CIC: variants seen among roughly 807,000 people sequenced by gnomAD.
CIC encodes the protein capicua transcriptional repressor, also known as protein capicua homolog.
CIC carries 18 observed loss-of-function variants against 115.7 expected under a neutral mutation model. The ratio of observed to expected loss-of-function variants is 0.16; its 90% CI spans 0.11 to 0.23. The LOEUF (loss-of-function observed/expected upper bound fraction) is 0.23. Among genes scored for constraint, CIC ranks in the 10% least tolerant of loss-of-function variants. The pLI is 1.00. For synonymous variants in CIC, 1,076 were observed against 923.0 expected, an observed-to-expected ratio of 1.17 and a Z score of -3.01; for missense variants, 2,000 against 2,159.3, an observed-to-expected ratio of 0.93 and a Z score of 1.46.
chr19:42,295,023 C>G lies in CIC; in HGVS notation c.7386C>G (p.Pro2462=). ...CTGCCCCTGCCCCCACTCCCAGCCC[C>G]GCAGGGGGCCCTGACCCCACCTCAC... ...TAAAPAPTPS[P]AGGPDPTSPS... The change falls in exon 21 of 21, where the codon CCC becomes CCG. Residue 2462 remains proline (P), a synonymous_variant. Coordinates refer to ENST00000681038, the MANE Select transcript of CIC (RefSeq NM_001386298.1). The G allele has an allele frequency of 1.9e-6, 3 of 1,583,980 alleles. No homozygotes were observed. Among genetic ancestry groups the G allele is most frequent in the Non-Finnish European group, 2.6e-6 (3 of 1,172,296 alleles).
Position 42,289,227 on chromosome 19 carries a change from A to G in CIC, c.3908A>G (p.Gln1303Arg), listed in dbSNP as rs1464859951. The change falls in exon 9 of 21, where the codon CAG becomes CGG. Residue 1303 changes from glutamine to arginine, a missense_variant. Gln to Arg is a conservative substitution (Grantham distance 43). Transcript: ENST00000681038. ...ASYSGPKPST[Q>R]YGAPGPFAAP... is the part of the protein sequence containing the mutation. Reference sequence around the variant, plus strand: ...TACTCTGGCCCAAAGCCTTCTACCCAGTATGGAGCTCCAGGACCCTTTGCA... The same window carrying G: ...TACTCTGGCCCAAAGCCTTCTACCCGGTATGGAGCTCCAGGACCCTTTGCA... The G allele has an allele frequency of 1.2e-6, 2 of 1,613,384 alleles. No individual in the cohort carries two copies. Among genetic ancestry groups the G allele is most frequent in the Non-Finnish European group, 1.7e-6 (2 of 1,180,018 alleles).
In CIC at chr19:42,291,739, C is replaced by A. The variant is rs139270330; in HGVS notation, c.5607C>A (p.Pro1869=). The change falls in exon 12 of 21, where the codon CCC becomes CCA. Residue 1869 remains proline (P), a synonymous_variant. Transcript: ENST00000681038. ...SVPVQNGAQP[P]SKIIQLTPVP... ...CTGTGCAGAATGGTGCCCAGCCCCCCAGCAAGGTGAGGGCCTGCCTTTCTC... is the reference window on the plus strand; with the variant it reads ...CTGTGCAGAATGGTGCCCAGCCCCCAAGCAAGGTGAGGGCCTGCCTTTCTC... 1 of 1,613,058 alleles carries A rather than the reference C, an allele frequency of 6.2e-7. No homozygotes were observed. Among genetic ancestry groups the A allele is most frequent in the Non-Finnish European group, 8.5e-7 (1 of 1,180,016 alleles).
chr19:42,281,689 C>G (rs966061670), intron 2 of CIC, among the ~76,000 whole-genome samples: 1 of 152,188 alleles, frequency 6.6e-6, no homozygotes, highest in African/African-American at 2.4e-5. Context: ...ATAGGGCTGG[C>G]CCAGCGCCCA....
intron 2 of CIC, among the ~76,000 whole-genome samples, chr19:42,285,077 G>A (rs1320951014): frequency 6.6e-6 from 1 of 152,134 alleles, no homozygotes; most frequent in African/African-American, 2.4e-5. Context: ...GGAACAGCAC[G>A]AGACCTGCTG....
chr19:42,273,694 C>T lies in CIC; in HGVS notation c.1911C>T (p.Phe637=), dbSNP rs2036865654. Reference sequence around the variant, plus strand: ...CATCACCCTCACCCTCACCACTCTTCGGCTTCCGCCCTGCCAACTTTAGCC... The same window carrying T: ...CATCACCCTCACCCTCACCACTCTTTGGCTTCCGCCCTGCCAACTTTAGCC... ...PAPSPSPSPL[F]GFRPANFSPI... Residue 637 remains phenylalanine (F), a synonymous_variant, in exon 2 of 21, where the codon TTC becomes TTT. Coordinates refer to ENST00000681038, the MANE Select transcript of CIC (RefSeq NM_001386298.1). 3 of 398,818 alleles carry T rather than the reference C, an allele frequency of 7.5e-6. No individual in the cohort carries two copies. Among genetic ancestry groups the T allele is most frequent in the African/African-American group, 2.1e-5 (1 of 48,622 alleles). 24.7% of individuals were successfully genotyped at this position (398,818 alleles called of 1,614,324 possible). A position where few individuals can be genotyped will look rare whatever the true frequency, so the allele number is the denominator to read the frequency against.
In CIC at chr19:42,272,347, G is replaced by T. The variant is rs1206356479; in HGVS notation, c.564G>T (p.Trp188Cys). The T allele has an allele frequency of 2.5e-6, 1 of 398,424 alleles. No individual in the cohort carries two copies. The highest frequency in any genetic ancestry group is 2.1e-5 in the African/African-American group (1 of 48,638). The allele number at this position is 398,424 out of a possible 1,614,324, so 24.7% of individuals were successfully genotyped here. A position where few individuals can be genotyped will look rare whatever the true frequency, so the allele number is the denominator to read the frequency against. Residue 188 changes from tryptophan (W) to cysteine (C), a missense_variant, in exon 2 of 21, where the codon TGG becomes TGT. Around this residue, in one of 8 missense-constraint regions of CIC, gnomAD observed 222 missense variants for 247.7 expected, o/e 0.90. Transcript: ENST00000681038. Reference protein sequence around the residue: ...EPAEACGPGPWPPGSTSGSYD... With the variant: ...EPAEACGPGPCPPGSTSGSYD... ...CTGAGGCTTGTGGTCCAGGCCCTTG[G>T]CCCCCTGGCAGCACCAGTGGCAGCT... is the stretch of plus-strand genomic sequence containing the variant.
rs760429114 is a variant in CIC at position 42,292,559 on chromosome 19, C to A, written c.5903-7C>A. On this transcript the variant is annotated splice_region_variant and splice_polypyrimidine_tract_variant and intron_variant, in intron 14 of 20. Coordinates refer to ENST00000681038, the MANE Select transcript of CIC (RefSeq NM_001386298.1). ...TGGTCTCCTGCTTCTTCTTCTCTGT[C>A]TTTCAGCAGGCCAAGCCCCACTGCT... 1.2e-6 allele frequency: 2 copies of A among 1,613,016 alleles called. No individual in the cohort carries two copies. Among genetic ancestry groups the A allele is most frequent in the East Asian group, 2.2e-5 (1 of 44,874 alleles).
Position 42,290,989 on chromosome 19 carries a change from G to A in CIC, c.4948G>A (p.Ala1650Thr). ...GAAGTCGGCAGCAGCCACCTCACCA[G>A]CCCCACACTTGGTGGCTGGACCCCT... ...DKKSAAATSP[A>T]PHLVAGPLLG... is the part of the protein sequence containing the mutation. Residue 1650 changes from alanine to threonine, a missense_variant, in exon 11 of 21, where the codon GCC (alanine) becomes ACC (threonine). Transcript: ENST00000681038. The A allele has an allele frequency of 6.2e-7, 1 of 1,613,818 alleles. No homozygotes were observed. Among genetic ancestry groups the A allele is most frequent in the Non-Finnish European group, 8.5e-7 (1 of 1,180,016 alleles).
In CIC at chr19:42,290,773, G is replaced by A. The variant is rs768549918; in HGVS notation, c.4732G>A (p.Ala1578Thr). 7.4e-6 allele frequency: 12 copies of A among 1,611,538 alleles called. No individual in the cohort carries two copies. The highest frequency in any genetic ancestry group is 1.6e-4 in the Middle Eastern group (1 of 6,082). Residue 1578 changes from alanine to threonine, a missense_variant, in exon 11 of 21, where the codon GCC becomes ACC. Around this residue, in one of 8 missense-constraint regions of CIC, gnomAD observed 1,466 missense variants for 1,390.4 expected, o/e 1.05. Coordinates refer to ENST00000681038, the MANE Select transcript of CIC (RefSeq NM_001386298.1). ...APAAPLSRPA[A>T]TMVTNVVRPV... ...AGCAGCTCCCCTGTCCCGTCCTGCC[G>A]CCACCATGGTCACCAATGTGGTGCG...
chr19:42,294,775 C>G, intron 20 of CIC, 40 bp downstream of exon 20: 1 of 1,610,060 alleles, frequency 6.2e-7, no homozygotes, highest in East Asian at 2.2e-5. Flanking sequence ...TCGGGTGGGA[C>G]TTATCTGTAC....
In CIC at chr19:42,293,965, G is replaced by A. The variant is rs1568528401; in HGVS notation, c.6798G>A (p.Glu2266=). Residue 2266 remains glutamate, a synonymous_variant, in exon 18 of 21, where the codon GAG becomes GAA. Coordinates refer to ENST00000681038, the MANE Select transcript of CIC (RefSeq NM_001386298.1). ...NRVLSEVDFE[E]RFAELPEFRP... ...TCCTGTCAGAAGTGGACTTCGAAGA[G>A]CGCTTTGCTGAGTTGCCTGAGTTTC... 1 of 1,613,532 alleles carries A rather than the reference G, an allele frequency of 6.2e-7. No individual in the cohort carries two copies. Among genetic ancestry groups the A allele is most frequent in the East Asian group, 2.2e-5 (1 of 44,878 alleles).
rs769734730 is a variant in CIC, at chr19:42,287,806, C to A, written c.3493-4C>A. On this transcript the variant is annotated splice_region_variant and splice_polypyrimidine_tract_variant and intron_variant, in intron 6 of 20. Transcript: ENST00000681038. The surrounding 1 kb of genome is among the most constrained non-coding windows in gnomAD (Gnocchi z 8.7). Reference sequence around the variant, plus strand: ...TGAAGGGTTGCCCTGCCCTCTCCTGCCAGGTGAAGGAGGCCCACTTCAAGG... The same window carrying A: ...TGAAGGGTTGCCCTGCCCTCTCCTGACAGGTGAAGGAGGCCCACTTCAAGG... 3 of 1,613,950 alleles carry A rather than the reference C, an allele frequency of 1.9e-6. No individual in the cohort carries two copies. In the South Asian group the frequency reaches 3.3e-5, roughly 18 times the overall value.
rs1190111582 is a variant in CIC at position 42,288,965 on chromosome 19, G to A, written c.3736G>A (p.Gly1246Arg). 4 of 1,614,084 alleles carry A rather than the reference G, an allele frequency of 2.5e-6. No homozygotes were observed. Among genetic ancestry groups the A allele is most frequent in the Admixed American group, 3.3e-5 (2 of 60,024 alleles). The change falls in exon 8 of 21, where the codon GGG becomes AGG. Residue 1246 changes from glycine (G) to arginine (R), a missense_variant. By Grantham distance (125) the Gly-to-Arg change is moderately radical. Around this residue, in one of 8 missense-constraint regions of CIC, gnomAD observed 1,466 missense variants for 1,390.4 expected, o/e 1.05. Transcript: ENST00000681038. ...CAAGGCTCCGGGGAGCAGCTCCTGT[G>A]GGGCAGAACGGCTACACACAGTTGG... is the stretch of plus-strand genomic sequence containing the variant. ...DTKAPGSSSCGAERLHTVGGP... is the reference protein window; with the variant it reads ...DTKAPGSSSCRAERLHTVGGP...
At position 42,273,637 on chromosome 19, in the gene CIC, C is replaced by T. The variant is rs531918653; in HGVS notation, c.1854C>T (p.Pro618=). 7.0e-5 allele frequency: 28 copies of T among 398,706 alleles called. No individual in the cohort carries two copies. The highest frequency in any genetic ancestry group is 1.3e-4 in the South Asian group (1 of 7,874). The allele number at this position is 398,706 out of a possible 1,614,324, so 24.7% of individuals were successfully genotyped here. A position where few individuals can be genotyped will look rare whatever the true frequency, so the allele number is the denominator to read the frequency against. The change falls in exon 2 of 21, where the codon CCC becomes CCT. Residue 618 remains proline, a synonymous_variant. Coordinates refer to ENST00000681038, the MANE Select transcript of CIC (RefSeq NM_001386298.1). ...GCTCAGGCACGCCCTCCTTCTCACCCGTCTCCACTCAATCGCCCTTCTCGC... is the reference window on the plus strand; with the variant it reads ...GCTCAGGCACGCCCTCCTTCTCACCTGTCTCCACTCAATCGCCCTTCTCGC... ...SSRSGTPSFS[P]VSTQSPFSPA...
At chr19:42,285,212 C>G (rs2037546901) in intron 2 of CIC, among the ~76,000 whole-genome samples, 2 of 152,004 alleles carry the variant, frequency 1.3e-5, no homozygotes, top group South Asian at 4.1e-4. Flanking sequence ...GCAGAGAGCG[C>G]GACACCTAAG....
chr19:42,293,383 C>G (rs944355256), intron 16 of CIC, 102 bp downstream of exon 16: 6 of 1,382,120 alleles, frequency 4.3e-6, no homozygotes, highest in East Asian at 5.0e-5. Context: ...GCCTGTGTGT[C>G]TCTCAGGTTA....
In CIC at chr19:42,291,696, G is replaced by A. The variant is rs902929448; in HGVS notation, c.5564G>A (p.Ser1855Asn). ...GGAGQPLPLVSPPFSVPVQNG... is the reference protein window; with the variant it reads ...GGAGQPLPLVNPPFSVPVQNG... ...GCCGGCCAGCCACTGCCACTGGTGA[G>A]CCCGCCCTTCTCAGTACCTGTGCAG... Residue 1855 changes from serine (S) to asparagine (N), a missense_variant, in exon 12 of 21, where the codon AGC becomes AAC. Physicochemically the swap from Ser to Asn is conservative, Grantham distance 46. Around this residue, in one of 8 missense-constraint regions of CIC, gnomAD observed 1,466 missense variants for 1,390.4 expected, o/e 1.05. Coordinates refer to ENST00000681038, the MANE Select transcript of CIC (RefSeq NM_001386298.1). 2.5e-6 allele frequency: 4 copies of A among 1,612,830 alleles called. No homozygotes were observed. The African/African-American group carries it at 5.3e-5, about 22-fold the overall frequency.
intron 11 of CIC, 35 bp from the exon 12 acceptor site, chr19:42,291,523 T>G: frequency 6.2e-7 from 1 of 1,613,112 alleles, no homozygotes; most frequent in Non-Finnish European, 8.5e-7. Flanking sequence ...TTGGCTCCCT[T>G]GTAACCTTTT....
At chr19:42,288,716 A>G (rs984193208) in intron 7 of CIC, among the ~76,000 whole-genome samples, 172 bp from the exon 8 acceptor site, 2 of 151,404 alleles carry the variant, frequency 1.3e-5, no homozygotes, top group Non-Finnish European at 1.5e-5. Flanking sequence ...AGGAATCAGC[A>G]GGAATGAGAT....
Sources: allele counts gnomAD v4.1 joint callset (sites outside exome capture counted in the v4.1 genomes callset), GRCh38; gene constraint gnomAD v4.1.1; regional missense constraint gnomAD v4.1.1; non-coding constraint Gnocchi (gnomAD v3.1); transcripts MANE v1.5; gene names NCBI Gene and HGNC (gene_info 2026-07-23, HGNC 2026-07-21).